Variants in KIF21B observed in about 807,000 individuals in gnomAD.
KIF21B encodes the protein kinesin family member 21B, also known as kinesin-like protein KIF21B.
In KIF21B, 85 loss-of-function variants were observed where a neutral mutation model predicts 192.9. The observed-to-expected ratio is 0.44, with a 90% CI of 0.37 to 0.53. The LOEUF (loss-of-function observed/expected upper bound fraction) is 0.53, where lower values mean the gene tolerates loss of function less well. KIF21B is among the 20% of genes least tolerant of loss of function. The pLI, the probability that KIF21B is intolerant of heterozygous loss-of-function variation, is 0.00. For synonymous variants in KIF21B, 832 were observed against 884.6 expected (o/e 0.94, Z 1.05); for missense variants, 1,716 against 2,194.8 (o/e 0.78, Z 4.36).
chr1:200,982,477 C>T lies in KIF21B; in HGVS notation c.3842+579G>A, dbSNP rs1353239546. Reference sequence around the variant, plus strand: ...TGTCATGCTCGGCTGGCTGGGAGAACCAGCCTCCAGCCATCCCACAGGCTG... The same window carrying T: ...TGTCATGCTCGGCTGGCTGGGAGAATCAGCCTCCAGCCATCCCACAGGCTG... On this transcript the variant is annotated intron_variant, in intron 28 of 34. Transcript: ENST00000461742. This position sits in a 1 kb window ranked among gnomAD's most constrained non-coding sequence, Gnocchi z 4.7. Among the ~76,000 whole-genome samples the T allele has an allele frequency of 2.0e-5, 3 of 152,276 alleles. No homozygotes were observed. The highest frequency in any genetic ancestry group is 3.9e-4 in the East Asian group (2 of 5,176).
intron 5 of KIF21B, 118 bp from the exon 6 acceptor site, chr1:201,005,051 C>T: frequency 2.6e-6 from 3 of 1,172,110 alleles, no homozygotes; most frequent in Non-Finnish European, 2.4e-6. Flanking sequence ...GCCCTTCGCA[C>T]ATGCAGAGCA....
Position 201,000,631 on chromosome 1 carries a change from C to A in KIF21B, c.1467-23G>T. The A allele has an allele frequency of 6.2e-7, 1 of 1,613,146 alleles. No individual in the cohort carries two copies. Among genetic ancestry groups the A allele is most frequent in the Non-Finnish European group, 8.5e-7 (1 of 1,179,694 alleles). On this transcript the variant is annotated intron_variant, in intron 10 of 34. Transcript: ENST00000461742. This position sits in a 1 kb window ranked among gnomAD's most constrained non-coding sequence, Gnocchi z 6.0. ...GTCCTGCACAGGAAGAACGAGTGGA[C>A]GGGGCCGAGTGAGCTGCCACAGCCC...
chr1:200,985,068 C>T (rs1459086104), intron 26 of KIF21B, 96 bp from the exon 27 acceptor site: 10 of 748,064 alleles, frequency 1.3e-5, no homozygotes, highest in Non-Finnish European at 1.7e-5. Context: ...TTGTGAGGCC[C>T]GCAGGACAGG....
At position 200,980,329 on chromosome 1, in the gene KIF21B, A is replaced by T. The variant is rs556955145; in HGVS notation, c.3980-614T>A. ...GAGTGTAATTGCACAAACACAGCTC[A>T]CTGCAGCCTTGACCTCCCGGACTCA... On this transcript the variant is annotated intron_variant, in intron 29 of 34. Coordinates refer to ENST00000461742, the MANE Select transcript of KIF21B (RefSeq NM_001252102.2). 3.9e-5 allele frequency among the ~76,000 whole-genome samples: 6 copies of T among 152,328 alleles called. No homozygotes were observed. The South Asian group carries it at 1.2e-3, about 32-fold the overall frequency.
intron 16 of KIF21B, 84 bp downstream of exon 16, chr1:200,992,198 G>C (rs891322087): frequency 1.7e-6 from 2 of 1,204,296 alleles, no homozygotes; most frequent in Non-Finnish European, 2.4e-6. Flanking sequence ...AGGCCCGCTT[G>C]GTCAGGAGGG....
At position 200,975,722 on chromosome 1, in the gene KIF21B, G is replaced by A. The variant is rs972141844; in HGVS notation, c.4444-53C>T. 10 of 1,531,616 alleles carry A rather than the reference G, an allele frequency of 6.5e-6. No homozygotes were observed. In the Admixed American group the frequency reaches 7.3e-5, roughly 11 times the overall value. The allele number at this position is 1,531,616 out of a possible 1,614,324, so 94.9% of individuals were successfully genotyped here. On this transcript the variant is annotated intron_variant, in intron 32 of 34. Coordinates refer to ENST00000461742, the MANE Select transcript of KIF21B (RefSeq NM_001252102.2). The surrounding 1 kb of genome is among the most constrained non-coding windows in gnomAD (Gnocchi z 4.3). ...GGCCAAGTGGGAGGATGGAAGGCAG[G>A]GCCTACAGCACTGTGGACCCAGAGG... is the stretch of plus-strand genomic sequence containing the variant.
intron 7 of KIF21B, 46 bp from the exon 8 acceptor site, chr1:201,003,827 C>G (rs1298015050): frequency 1.9e-6 from 3 of 1,590,686 alleles, no homozygotes; most frequent in Non-Finnish European, 2.6e-6. Flanking sequence ...ACACAGCCAG[C>G]CCCCAGAAGC....
intron 2 of KIF21B, 94 bp downstream of exon 2, chr1:201,009,172 A>G (rs2102463423): frequency 7.8e-7 from 1 of 1,280,796 alleles, no homozygotes; most frequent in Non-Finnish European, 1.1e-6. Flanking sequence ...CCCTGAGGCT[A>G]TGTTTCAGCT....
intron 30 of KIF21B, among the ~76,000 whole-genome samples, chr1:200,979,140 CTG>C (rs939766110): frequency 4.6e-5 from 7 of 152,342 alleles, no homozygotes; most frequent in Admixed American, 3.3e-4. Flanking sequence ...GTGTCTGAGA[CTG>C]TCGGGGCAGG....
chr1:200,986,949 C>A, intron 25 of KIF21B, 31 bp from the exon 26 acceptor site: 8 of 1,612,478 alleles, frequency 5.0e-6, no homozygotes, highest in Non-Finnish European at 6.8e-6. Context: ...GAGGCCCAGA[C>A]CCAACTCCAC....
At chr1:200,987,589 G>A (rs1656393332) in intron 24 of KIF21B, among the ~76,000 whole-genome samples, 1 of 152,184 alleles carries the variant, frequency 6.6e-6, no homozygotes, top group Non-Finnish European at 1.5e-5. Flanking sequence ...TTGGCCTAAG[G>A]TAGAGGACCT....
intron 34 of KIF21B, chr1:200,973,957 C>G (rs1271762914): frequency 2.6e-6 from 4 of 1,538,378 alleles, no homozygotes; most frequent in Non-Finnish European, 2.6e-6. Context: ...CTAGGCCAGG[C>G]AGGACAGGAA....
At chr1:200,988,433 T>G in intron 23 of KIF21B, 60 bp downstream of exon 23, 2 of 1,610,314 alleles carry the variant, frequency 1.2e-6, no homozygotes, top group Non-Finnish European at 1.7e-6. Context: ...TGGCAACTCC[T>G]CCCACCAGCC....
In KIF21B at chr1:200,971,585, C is replaced by T. The variant is rs1300930885; in HGVS notation, c.*1936G>A. On this transcript the variant is annotated 3_prime_UTR_variant, in exon 35 of 35. Transcript: ENST00000461742. ...AGGAGTGGGAAGAGATTTGTGGCCA[C>T]ATCTTAGAGCTAAGGGGGTTGCCCG... The T allele has an allele frequency of 6.6e-6, 1 of 152,440 alleles. No individual in the cohort carries two copies. Among genetic ancestry groups the T allele is most frequent in the East Asian group, 1.9e-4 (1 of 5,332 alleles). 9.4% of individuals were successfully genotyped at this position (152,440 alleles called of 1,614,324 possible).
At chr1:201,009,634 G>A (rs1658120857) in intron 1 of KIF21B, 146 bp from the exon 2 acceptor site, 1 of 670,898 alleles carries the variant, frequency 1.5e-6, no homozygotes, top group Non-Finnish European at 2.5e-6. Flanking sequence ...GAGGACATGG[G>A]CAACTTTTGT....
intron 30 of KIF21B, among the ~76,000 whole-genome samples, chr1:200,978,301 G>A (rs1204326346): frequency 3.3e-5 from 5 of 151,060 alleles, no homozygotes; most frequent in African/African-American, 9.7e-5. Flanking sequence ...TGCCCGCCTC[G>A]GCCTCACAAA....
chr1:200,989,896 C>T, intron 21 of KIF21B, 46 bp downstream of exon 21: 1 of 1,448,974 alleles, frequency 6.9e-7, no homozygotes, highest in Non-Finnish European at 9.7e-7. Flanking sequence ...ATCACAGAGG[C>T]ATCTGTGCCC....
chr1:200,974,021 G>A (rs866885494), intron 34 of KIF21B: 1 of 1,571,420 alleles, frequency 6.4e-7, no homozygotes, highest in African/African-American at 1.4e-5. Flanking sequence ...AAGCAGCTCA[G>A]ATCGAAGTGG....
rs141871941 is a variant in KIF21B at position 200,991,097 on chromosome 1, C to T, written c.2507G>A (p.Arg836His). Residue 836 changes from arginine to histidine, a missense_variant, in exon 18 of 35, where the codon CGT (arginine) becomes CAT (histidine). Around this residue, in one of 3 missense-constraint regions of KIF21B, gnomAD observed 1,087 missense variants for 1,316.6 expected, o/e 0.83. Transcript: ENST00000461742. ...CAGCATGGGTGGCTTTAGTCCTGCACGCCCTGCCACCCGCTCAGACATGGG... is the reference window on the plus strand; with the variant it reads ...CAGCATGGGTGGCTTTAGTCCTGCATGCCCTGCCACCCGCTCAGACATGGG... ...AKPMSERVAG[R>H]AGLKPPMLDS... 3.2e-3 allele frequency: 5,135 copies of T among 1,613,940 alleles called. 11 individuals are homozygous for T. The highest frequency in any genetic ancestry group is 4.1e-3 in the Non-Finnish European group (4,832 of 1,179,994).
Sources: gnomAD v4.1 joint callset for allele counts (sites outside exome capture counted in the v4.1 genomes callset) on GRCh38, gnomAD v4.1.1 for gene constraint, gnomAD v4.1.1 regional missense constraint, Gnocchi (gnomAD v3.1) non-coding constraint, MANE v1.5 for transcripts, NCBI Gene and HGNC (gene_info 2026-07-23, HGNC 2026-07-21) for gene names.